CATSPERG: variants seen among roughly 807,000 people sequenced by gnomAD.
The protein encoded by CATSPERG is cation channel sperm-associated auxiliary subunit gamma.
A neutral mutation model predicts 145.0 loss-of-function variants in CATSPERG; 115 were observed. The observed-to-expected ratio is 0.79, with a 90% CI of 0.68 to 0.93. The LOEUF (loss-of-function observed/expected upper bound fraction) is 0.93, where lower values mean the gene tolerates loss of function less well. CATSPERG is among the 40% of genes least tolerant of loss of function. CATSPERG has a pLI of 0.00. For synonymous variants in CATSPERG, 588 were observed against 589.0 expected (o/e 1.00, Z 0.02); for missense variants, 1,296 against 1,490.1 (o/e 0.87, Z 2.14).
chr19:38,362,877 T>TG (rs1286049629), intron 20 of CATSPERG, 45 bp downstream of exon 20: 17 of 1,168,568 alleles, frequency 1.5e-5, no homozygotes, highest in Middle Eastern at 2.4e-4. Flanking sequence ...TTTTGTTTTT[T>TG]TTTTTTTTTT....
intron 11 of CATSPERG, 125 bp downstream of exon 11, chr19:38,356,986 T>TCAACCA: frequency 7.9e-7 from 1 of 1,259,154 alleles, no homozygotes. Flanking sequence ...GTGTCACTCC[T>TCAACCA]GGTTGAGGAG....
At position 38,370,632 on chromosome 19, in the gene CATSPERG, ACCTCATTGC is replaced by A; in HGVS notation, c.3322_3330del (p.Leu1108_Ala1110del). ...ACGATGATCCGGTGGAAGATAAACA[ACCTCATTGC>A]CTCAGAATCCTACTACACCTACGCC... On this transcript the variant is annotated inframe_deletion, in exon 29 of 29. Transcript: ENST00000409235. 1 of 1,613,896 alleles carries A rather than the reference ACCTCATTGC, an allele frequency of 6.2e-7. No individual in the cohort carries two copies. The highest frequency in any genetic ancestry group is 8.5e-7 in the Non-Finnish European group (1 of 1,180,004).
At position 38,361,820 on chromosome 19, in the gene CATSPERG, C is replaced by T; in HGVS notation, c.2053C>T (p.Leu685=). The change falls in exon 17 of 29, where the codon CTG becomes TTG. Residue 685 remains leucine, a synonymous_variant. Coordinates refer to ENST00000409235, the MANE Select transcript of CATSPERG (RefSeq NM_021185.5). ...GAACTCGCTCGCCATCTACCAGGGC[C>T]TGGTCTACTACCTGCTGTGGCTGCA... ...NENSLAIYQG[L]VYYLLWLHSV... is the part of the protein sequence containing the mutation. 3 of 1,612,600 alleles carry T rather than the reference C, an allele frequency of 1.9e-6. No homozygotes were observed. The highest frequency in any genetic ancestry group is 1.7e-5 in the Admixed American group (1 of 59,788).
intron 15 of CATSPERG, 26 bp downstream of exon 15, chr19:38,360,673 A>G: frequency 6.2e-7 from 1 of 1,614,130 alleles, no homozygotes; most frequent in Non-Finnish European, 8.5e-7. Flanking sequence ...ATGCGGGGAC[A>G]TCGGGGCACC....
At chr19:38,351,445 A>G (rs775367867) in intron 7 of CATSPERG, among the ~76,000 whole-genome samples, 2 of 152,020 alleles carry the variant, frequency 1.3e-5, no homozygotes, top group African/African-American at 2.4e-5. Flanking sequence ...TGTCTCTACT[A>G]AAAATACAAA....
At position 38,370,783 on chromosome 19, in the gene CATSPERG, G is replaced by A. The variant is rs770713426; in HGVS notation, c.3471G>A (p.Leu1157=). ...AEPKEAVERQ[L]MT ...CCAAGGAAGCCGTGGAGAGACAGTTGATGACCTGAGTGTCCCACCTGCCCC... is the reference window on the plus strand; with the variant it reads ...CCAAGGAAGCCGTGGAGAGACAGTTAATGACCTGAGTGTCCCACCTGCCCC... The change falls in exon 29 of 29, where the codon TTG becomes TTA. Residue 1157 remains leucine, a synonymous_variant. Coordinates refer to ENST00000409235, the MANE Select transcript of CATSPERG (RefSeq NM_021185.5). The A allele has an allele frequency of 1.2e-5, 19 of 1,613,276 alleles. No individual in the cohort carries two copies. The highest frequency in any genetic ancestry group is 2.7e-5 in the African/African-American group (2 of 74,876).
Position 38,361,871 on chromosome 19 carries a change from C to G in CATSPERG, c.2094+10C>G. Reference sequence around the variant, plus strand: ...CTCCGTGTACGACAAGGTGGGCGTCCGGCGGCGGGCGGGCAGGCCTGAGAC... The same window carrying G: ...CTCCGTGTACGACAAGGTGGGCGTCGGGCGGCGGGCGGGCAGGCCTGAGAC... On this transcript the variant is annotated intron_variant, in intron 17 of 28. Coordinates refer to ENST00000409235, the MANE Select transcript of CATSPERG (RefSeq NM_021185.5). 6.3e-7 allele frequency: 1 copy of G among 1,587,664 alleles called. No individual in the cohort carries two copies. The highest frequency in any genetic ancestry group is 1.1e-5 in the South Asian group (1 of 88,412).
At chr19:38,347,357 G>T (rs1365496091) in intron 7 of CATSPERG, among the ~76,000 whole-genome samples, 2 of 152,118 alleles carry the variant, frequency 1.3e-5, no homozygotes, top group East Asian at 3.9e-4. Context: ...CAGCCTGGGC[G>T]ACAGAGCCAG....
In CATSPERG at chr19:38,337,459, C is replaced by T. The variant is rs943322057; in HGVS notation, c.225C>T (p.Ser75=). The change falls in exon 2 of 29, where the codon AGC becomes AGT. Residue 75 remains serine (S), a synonymous_variant. Coordinates refer to ENST00000409235, the MANE Select transcript of CATSPERG (RefSeq NM_021185.5). The part of the protein sequence containing the change: ...FFEQEPVDTV[S]SLFHMLVDSP... ...AGCAAGAGCCCGTGGACACAGTGAG[C>T]AGCTTGTTTCACATGCTGGTGGACT... 61 of 1,552,026 alleles carry T rather than the reference C, an allele frequency of 3.9e-5. No homozygotes were observed. Among genetic ancestry groups the T allele is most frequent in the Non-Finnish European group, 5.1e-5 (58 of 1,147,114 alleles).
chr19:38,368,277 T>C (rs916482387), intron 26 of CATSPERG, 140 bp downstream of exon 26: 4 of 708,774 alleles, frequency 5.6e-6, no homozygotes, highest in Non-Finnish European at 9.7e-6. Flanking sequence ...GGCTGAACTT[T>C]GCACAAGCTG....
chr19:38,344,273 G>T (rs61379500), intron 5 of CATSPERG, 23 bp from the exon 6 acceptor site: 42,731 of 1,550,254 alleles, frequency 0.028, 1,353 homozygotes, highest in East Asian at 0.15. Flanking sequence ...CCTCACCTGC[G>T]CCTATTCTGC....
intron 8 of CATSPERG, among the ~76,000 whole-genome samples, chr19:38,353,027 CAAAAAA>C (rs61080753): frequency 4.9e-5 from 3 of 61,568 alleles, no homozygotes; most frequent in African/African-American, 2.1e-4. Context: ...GACCCTGTTT[CAAAAAA>C]AAAAAAAAAA....
intron 22 of CATSPERG, chr19:38,366,775 C>T (rs1295473813): frequency 3.6e-5 from 7 of 192,700 alleles, no homozygotes; most frequent in African/African-American, 1.7e-4. Flanking sequence ...GTCTTGGCCT[C>T]TACCTCCCTG....
chr19:38,336,883 A>G (rs1969847221), intron 1 of CATSPERG: 2 of 403,916 alleles, frequency 5.0e-6, no homozygotes, highest in Non-Finnish European at 9.3e-6. Context: ...GTGTGGCCAG[A>G]AACATTAGTA....
Position 38,364,873 on chromosome 19 carries a change from C to A in CATSPERG, c.2476-18C>A. On this transcript the variant is annotated intron_variant, in intron 20 of 28. Coordinates refer to ENST00000409235, the MANE Select transcript of CATSPERG (RefSeq NM_021185.5). Reference sequence around the variant, plus strand: ...TGTTCACCCCTTCATTTCTGCCTCTCCCCTCCTTCAACCCCAGATTACGCT... The same window carrying A: ...TGTTCACCCCTTCATTTCTGCCTCTACCCTCCTTCAACCCCAGATTACGCT... 1.2e-6 allele frequency: 2 copies of A among 1,600,982 alleles called. No individual in the cohort carries two copies. The highest frequency in any genetic ancestry group is 1.7e-6 in the Non-Finnish European group (2 of 1,167,954).
In CATSPERG at chr19:38,359,566, C is replaced by T; in HGVS notation, c.1593C>T (p.Val531=). Residue 531 remains valine (V), a synonymous_variant, in exon 14 of 29, where the codon GTC becomes GTT. Coordinates refer to ENST00000409235, the MANE Select transcript of CATSPERG (RefSeq NM_021185.5). Reference sequence around the variant, plus strand: ...CGTTCCGTGGGGCTGTGGCTATTGTCACAGAGACGGAGGAGGTGGGCTGCC... The same window carrying T: ...CGTTCCGTGGGGCTGTGGCTATTGTTACAGAGACGGAGGAGGTGGGCTGCC... ...ARSFRGAVAI[V]TETEEIWYLL... The T allele has an allele frequency of 6.2e-7, 1 of 1,612,966 alleles. No individual in the cohort carries two copies. Among genetic ancestry groups the T allele is most frequent in the Non-Finnish European group, 8.5e-7 (1 of 1,179,426 alleles).
rs924959531 is a variant in CATSPERG at position 38,344,390 on chromosome 19, A to G, written c.669+22A>G. On this transcript the variant is annotated intron_variant, in intron 6 of 28. Transcript: ENST00000409235. The stretch of plus-strand genomic sequence containing the variant: ...GGAGGTGAGGGAATATGGCAGGGGA[A>G]AAAGACAATGGTCTGGGCCTTAGGC... The G allele has an allele frequency of 4.5e-6, 7 of 1,545,894 alleles. No individual in the cohort carries two copies. In the Admixed American group the frequency reaches 1.4e-4, roughly 30 times the overall value.
intron 7 of CATSPERG, among the ~76,000 whole-genome samples, chr19:38,351,973 C>A (rs931750354): frequency 2.0e-5 from 3 of 152,126 alleles, no homozygotes; most frequent in African/African-American, 7.2e-5. Context: ...CTGACTGTAG[C>A]CAAGGGCACA....
Position 38,370,585 on chromosome 19 carries a change from GC to G in CATSPERG, c.3277del (p.Leu1093SerfsTer3). ...IFYIAFCLLW[P>X]LVVKGCTMIR... is the part of the protein sequence containing the mutation. ...TCTACATCGCCTTCTGCCTCCTGTG[GC>G]CCCTCGTGGTGAAGGGCTGCACGAT... is the stretch of plus-strand genomic sequence containing the variant. On this transcript the variant is annotated frameshift_variant, in exon 29 of 29. Transcript: ENST00000409235. LOFTEE classifies it low-confidence loss of function (END_TRUNC). The G allele has an allele frequency of 6.2e-7, 1 of 1,614,140 alleles. No individual in the cohort carries two copies. Among genetic ancestry groups the G allele is most frequent in the Non-Finnish European group, 8.5e-7 (1 of 1,180,036 alleles).
Sources: allele counts gnomAD v4.1 joint callset (sites outside exome capture counted in the v4.1 genomes callset), GRCh38; gene constraint gnomAD v4.1.1; transcripts MANE v1.5; gene names NCBI Gene and HGNC (gene_info 2026-07-23, HGNC 2026-07-21).